The following BICD1 variants were observed in gnomAD, a reference collection of about 807,000 sequenced individuals.
BICD1 encodes the protein protein bicaudal D homolog 1.
In BICD1, 35 loss-of-function variants were observed where a neutral mutation model predicts 92.5. The observed-to-expected ratio is 0.38, with a 90% CI of 0.29 to 0.50. The LOEUF (loss-of-function observed/expected upper bound fraction) is 0.50, where lower values mean the gene tolerates loss of function less well. BICD1 is among the 20% of genes least tolerant of loss of function. The pLI is 0.93. For synonymous variants in BICD1, 429 were observed against 465.1 expected, an observed-to-expected ratio of 0.92 and a Z score of 1.00; for missense variants, 950 against 1,189.8, an observed-to-expected ratio of 0.80 and a Z score of 2.97.
At chr12:32,338,477 C>A in intron 7 of BICD1, 1 of 238,622 alleles carries the variant, frequency 4.2e-6, no homozygotes, top group Admixed American at 6.0e-5. Context: ...AGTTACTTAC[C>A]CTGTATTTTC....
chr12:32,285,652 C>T (rs1351737047), intron 2 of BICD1, among the ~76,000 whole-genome samples: 1 of 152,034 alleles, frequency 6.6e-6, no homozygotes, highest in Admixed American at 6.5e-5. Flanking sequence ...AATGAGGTGA[C>T]TCTATCCCTG....
intron 8 of BICD1, chr12:32,339,828 C>T (rs992352601): frequency 6.9e-5 from 68 of 980,334 alleles, no homozygotes; most frequent in Non-Finnish European, 7.1e-5. Flanking sequence ...TAGTTATTGA[C>T]AGTTAAAAAT....
intron 8 of BICD1, among the ~76,000 whole-genome samples, chr12:32,345,066 T>A (rs964255672): frequency 2.6e-5 from 4 of 152,092 alleles, no homozygotes; most frequent in Admixed American, 6.5e-5. Context: ...GCAGGAGGAT[T>A]GCTTGAGCCC....
At chr12:32,324,120 G>C (rs1417024006) in intron 4 of BICD1, among the ~76,000 whole-genome samples, 2 of 128,668 alleles carry the variant, frequency 1.6e-5, no homozygotes, top group African/African-American at 5.7e-5. Flanking sequence ...CACGAGGTCA[G>C]GAGTTCGAGA....
chr12:32,134,092 C>T (rs1423991282), intron 1 of BICD1, among the ~76,000 whole-genome samples: 1 of 152,098 alleles, frequency 6.6e-6, no homozygotes, highest in Non-Finnish European at 1.5e-5. Flanking sequence ...GATGCCAGTA[C>T]TTTTTAAACC....
intron 2 of BICD1, among the ~76,000 whole-genome samples, chr12:32,250,334 G>T (rs1946493976): frequency 6.6e-6 from 1 of 152,186 alleles, no homozygotes; most frequent in Non-Finnish European, 1.5e-5. Context: ...TGGGGTTATT[G>T]TGAGGATAAA....
chr12:32,200,879 A>G (rs887215937), intron 1 of BICD1, among the ~76,000 whole-genome samples: 2 of 152,236 alleles, frequency 1.3e-5, no homozygotes, highest in African/African-American at 4.8e-5. Context: ...CAATAAGAAT[A>G]TAAGTGTCCA....
intron 1 of BICD1, among the ~76,000 whole-genome samples, chr12:32,116,814 A>G (rs1941933464): frequency 6.6e-6 from 1 of 152,018 alleles, no homozygotes; most frequent in African/African-American, 2.4e-5. Flanking sequence ...TTCTGGGCTC[A>G]AGTGATTCTC....
chr12:32,377,490 TG>T, intron 9 of BICD1, 49 bp from the exon 10 acceptor site: 1 of 1,448,452 alleles, frequency 6.9e-7, no homozygotes, highest in Non-Finnish European at 9.7e-7. Context: ...CCATTGTGCC[TG>T]GCCCTTTGAA....
At chr12:32,161,477 CATTGTT>C (rs1301513591) in intron 1 of BICD1, among the ~76,000 whole-genome samples, 6 of 152,250 alleles carry the variant, frequency 3.9e-5, no homozygotes, top group African/African-American at 7.2e-5. Context: ...GGATGTTTTA[CATTGTT>C]ATCGTTACCA....
At chr12:32,142,453 C>CCTATCTATCTATCTAT (rs71065001) in intron 1 of BICD1, among the ~76,000 whole-genome samples, 2,242 of 112,856 alleles carry the variant, frequency 0.02, 36 homozygotes, top group Middle Eastern at 0.032. Flanking sequence ...ACCTATCTAT[C>CCTATCTATCTATCTAT]CTATCTATCT....
chr12:32,254,110 ATATCCCACCTGCCATATTCACTGCCG>A (rs1946652112), intron 2 of BICD1, among the ~76,000 whole-genome samples: 2 of 124,526 alleles, frequency 1.6e-5, no homozygotes, highest in Non-Finnish European at 3.3e-5. Flanking sequence ...ATTCACTGCC[ATATCCCACCTGCCATATTCACTGCCG>A]TATCCCACCT....
intron 1 of BICD1, chr12:32,108,814 G>A (rs1941589530): frequency 1.3e-5 from 7 of 544,402 alleles, no homozygotes; most frequent in South Asian, 2.5e-5. Context: ...TCTAATTTTT[G>A]TGTGTCAGGC....
At chr12:32,193,793 C>G (rs1483622360) in intron 1 of BICD1, among the ~76,000 whole-genome samples, 1 of 152,168 alleles carries the variant, frequency 6.6e-6, no homozygotes, top group Non-Finnish European at 1.5e-5. Context: ...AGAATTAACA[C>G]CAATCCTTCT....
intron 2 of BICD1, among the ~76,000 whole-genome samples, chr12:32,239,634 TC>T (rs1946182452): frequency 6.6e-6 from 1 of 151,492 alleles, no homozygotes; most frequent in Non-Finnish European, 1.5e-5. Context: ...GGAGTTTTGC[TC>T]TTGTTGCCCA....
intron 8 of BICD1, among the ~76,000 whole-genome samples, chr12:32,342,887 A>G (rs1045786588): frequency 6.6e-6 from 1 of 152,200 alleles, no homozygotes; most frequent in African/African-American, 2.4e-5. Flanking sequence ...CTGATTTTCA[A>G]CATTAGTAGA....
intron 1 of BICD1, among the ~76,000 whole-genome samples, chr12:32,111,220 A>G (rs1158251979): frequency 6.6e-6 from 1 of 152,218 alleles, no homozygotes; most frequent in Non-Finnish European, 1.5e-5. Context: ...GACACCAAGG[A>G]TAGTTACCAG....
At chr12:32,194,831 G>A (rs756846098) in intron 1 of BICD1, among the ~76,000 whole-genome samples, 25 of 152,052 alleles carry the variant, frequency 1.6e-4, no homozygotes, top group African/African-American at 4.6e-4. Context: ...GCGGTGAGCC[G>A]AGATCATGCC....
chr12:32,121,705 C>T (rs987551146), intron 1 of BICD1, among the ~76,000 whole-genome samples: 1 of 152,108 alleles, frequency 6.6e-6, no homozygotes. Flanking sequence ...CACTGCACTC[C>T]AGCCTGGGCA....
Sources: allele counts gnomAD v4.1 joint callset (sites outside exome capture counted in the v4.1 genomes callset), GRCh38; gene constraint gnomAD v4.1.1; transcripts MANE v1.5; gene names NCBI Gene and HGNC (gene_info 2026-07-23, HGNC 2026-07-21).